BTBD9: variants seen among roughly 807,000 people sequenced by gnomAD.
BTBD9 encodes BTB/POZ domain-containing protein 9.
In BTBD9, 49 loss-of-function variants were observed where a neutral mutation model predicts 64.3. That is an observed-to-expected ratio of 0.76 (90% confidence interval 0.61 to 0.97). BTBD9 has a LOEUF of 0.97. Among genes scored for constraint, BTBD9 ranks in the 50% least tolerant of loss-of-function variants. BTBD9 has a pLI of 0.00. For synonymous variants in BTBD9, 260 were observed against 274.7 expected (o/e 0.95, Z 0.53); for missense variants, 598 against 762.1 (o/e 0.78, Z 2.53).
chr6:38,190,702 A>G (rs910062153), intron 10 of BTBD9, among the ~76,000 whole-genome samples: 13 of 152,292 alleles, frequency 8.5e-5, no homozygotes, highest in African/African-American at 3.1e-4. Context: ...GAAACTCATC[A>G]TCAAAGAGAG....
rs1216345720 is a variant in BTBD9 at position 38,169,124 on chromosome 6, T to G, written c.*5861A>C. Reference sequence around the variant, plus strand: ...GGCCGGGCTGTGCTCCCTGAGGACCTTACTGGCAGCACCCTGCCCTGCTGA... The same window carrying G: ...GGCCGGGCTGTGCTCCCTGAGGACCGTACTGGCAGCACCCTGCCCTGCTGA... On this transcript the variant is annotated 3_prime_UTR_variant, in exon 11 of 11. Coordinates refer to ENST00000481247, the MANE Select transcript of BTBD9 (RefSeq NM_001099272.2). 6.5e-6 allele frequency: 1 copy of G among 152,690 alleles called. No individual in the cohort carries two copies. The highest frequency in any genetic ancestry group is 2.4e-5 in the African/African-American group (1 of 41,446). The allele number at this position is 152,690 out of a possible 1,614,324, so 9.5% of individuals were successfully genotyped here. A position where few individuals can be genotyped will look rare whatever the true frequency, so the allele number is the denominator to read the frequency against.
intron 9 of BTBD9, among the ~76,000 whole-genome samples, chr6:38,207,565 G>T (rs1467437002): frequency 6.6e-6 from 1 of 152,186 alleles, no homozygotes; most frequent in African/African-American, 2.4e-5. Flanking sequence ...CAGGGCTGCA[G>T]TGAGCCGTGA....
intron 8 of BTBD9, among the ~76,000 whole-genome samples, chr6:38,268,562 C>T (rs1202486403): frequency 1.3e-5 from 2 of 152,304 alleles, no homozygotes; most frequent in East Asian, 3.9e-4. Context: ...CACGTAATCT[C>T]TCTATTTTTG....
chr6:38,615,218 C>A (rs1427266867), intron 1 of BTBD9, among the ~76,000 whole-genome samples: 3 of 152,220 alleles, frequency 2.0e-5, no homozygotes, highest in South Asian at 4.1e-4. Context: ...GTCTAGCCAG[C>A]GCTCTTGTCA....
At chr6:38,611,248 T>C (rs1777609042) in intron 1 of BTBD9, among the ~76,000 whole-genome samples, 1 of 152,130 alleles carries the variant, frequency 6.6e-6, no homozygotes, top group Non-Finnish European at 1.5e-5. Flanking sequence ...AGCAGTAACC[T>C]CCAGAGAGGG....
chr6:38,368,158 C>T (rs1765258379), intron 6 of BTBD9, among the ~76,000 whole-genome samples: 1 of 151,994 alleles, frequency 6.6e-6, no homozygotes. Flanking sequence ...TTAATCACTC[C>T]CCACTTTGAA....
intron 6 of BTBD9, among the ~76,000 whole-genome samples, chr6:38,459,552 T>G (rs74679514): frequency 0.051 from 7,787 of 152,306 alleles, 286 homozygotes; most frequent in Admixed American, 0.075. Flanking sequence ...ATAGTACAGC[T>G]ATAAGAGGAT....
At chr6:38,594,420 A>G (rs764216264) in intron 2 of BTBD9, 93 bp from the exon 3 acceptor site, 41 of 1,399,234 alleles carry the variant, frequency 2.9e-5, no homozygotes, top group Non-Finnish European at 3.8e-5. Flanking sequence ...ATGCAAATAT[A>G]AATTTTTTTA....
chr6:38,537,225 G>A (rs961922331), intron 6 of BTBD9, among the ~76,000 whole-genome samples: 6 of 152,152 alleles, frequency 3.9e-5, no homozygotes, highest in African/African-American at 1.4e-4. Flanking sequence ...TGCTTGACAA[G>A]TCTCTACTCC....
At chr6:38,225,957 T>C (rs1582078900) in intron 9 of BTBD9, among the ~76,000 whole-genome samples, 1 of 152,360 alleles carries the variant, frequency 6.6e-6, no homozygotes, top group East Asian at 1.9e-4. Context: ...GCACGTTTCA[T>C]TGGCAAGGCT....
At chr6:38,512,485 A>AG (rs1362148747) in intron 6 of BTBD9, among the ~76,000 whole-genome samples, 2 of 152,178 alleles carry the variant, frequency 1.3e-5, no homozygotes, top group Admixed American at 6.5e-5. Flanking sequence ...TATCATCTCC[A>AG]GTGCTAAGGA....
chr6:38,491,510 A>G (rs1771701412), intron 6 of BTBD9, among the ~76,000 whole-genome samples: 1 of 152,184 alleles, frequency 6.6e-6, no homozygotes, highest in Non-Finnish European at 1.5e-5. Flanking sequence ...TCTTCACTTT[A>G]TTGCTACTTT....
At chr6:38,592,508 T>C in intron 4 of BTBD9, 68 bp downstream of exon 4, 1 of 1,549,152 alleles carries the variant, frequency 6.5e-7, no homozygotes, top group South Asian at 1.2e-5. Flanking sequence ...TGTAGTAGCT[T>C]TGCGGTTTTA....
chr6:38,198,508 C>T, intron 9 of BTBD9, among the ~76,000 whole-genome samples: 1 of 152,202 alleles, frequency 6.6e-6, no homozygotes, highest in East Asian at 1.9e-4. Context: ...GCTCTCTGTC[C>T]TGAGCCTTGT....
At chr6:38,178,790 C>A (rs888493225) in intron 10 of BTBD9, among the ~76,000 whole-genome samples, 1 of 152,036 alleles carries the variant, frequency 6.6e-6, no homozygotes, top group Non-Finnish European at 1.5e-5. Flanking sequence ...TGGGACAGGG[C>A]GAGGGCCTGG....
chr6:38,510,638 T>C (rs1253003769), intron 6 of BTBD9, among the ~76,000 whole-genome samples: 2 of 152,270 alleles, frequency 1.3e-5, no homozygotes, highest in African/African-American at 4.8e-5. Flanking sequence ...ACAAACATTG[T>C]ATAGCTGTAC....
At chr6:38,268,421 T>C (rs1474480618) in intron 8 of BTBD9, among the ~76,000 whole-genome samples, 5 of 152,178 alleles carry the variant, frequency 3.3e-5, no homozygotes, top group African/African-American at 1.2e-4. Context: ...CAGATCTTTG[T>C]ATTCTCTTGA....
At chr6:38,458,614 A>C (rs1378220979) in intron 6 of BTBD9, among the ~76,000 whole-genome samples, 1 of 152,232 alleles carries the variant, frequency 6.6e-6, no homozygotes, top group African/African-American at 2.4e-5. Context: ...CCCTAACAGG[A>C]AGAACTAACC....
chr6:38,300,138 T>C (rs921521958), intron 7 of BTBD9, among the ~76,000 whole-genome samples: 5 of 152,210 alleles, frequency 3.3e-5, no homozygotes, highest in Admixed American at 2.0e-4. Flanking sequence ...TGCTTGTCTT[T>C]GTCAGGTTTG....
Sources: gnomAD v4.1 joint callset for allele counts (sites outside exome capture counted in the v4.1 genomes callset) on GRCh38, gnomAD v4.1.1 for gene constraint, MANE v1.5 for transcripts, NCBI Gene and HGNC (gene_info 2026-07-23, HGNC 2026-07-21) for gene names.